The following SORBS2 variants were observed in gnomAD, a reference collection of about 807,000 sequenced individuals.
SORBS2 encodes sorbin and SH3 domain-containing protein 2.
A neutral mutation model predicts 97.7 loss-of-function variants in SORBS2; 46 were observed. The ratio of observed to expected loss-of-function variants is 0.47; its 90% CI spans 0.37 to 0.60. The LOEUF is 0.60. Among genes scored for constraint, SORBS2 ranks in the 20% least tolerant of loss-of-function variants. SORBS2 has a pLI of 0.00. For missense variants in SORBS2, 1,316 were observed against 1,282.3 expected, an observed-to-expected ratio of 1.03 and a Z score of -0.40; for synonymous variants, 476 against 473.4, an observed-to-expected ratio of 1.01 and a Z score of -0.07.
intron 4 of SORBS2, among the ~76,000 whole-genome samples, chr4:185,643,466 C>A (rs576734650): frequency 2.6e-4 from 39 of 152,202 alleles, no homozygotes; most frequent in Non-Finnish European, 2.9e-5. Context: ...CAGTGAAGAG[C>A]CAGAGAAAAT....
chr4:185,875,207 T>C (rs2099232833), intron 1 of SORBS2, among the ~76,000 whole-genome samples: 1 of 152,202 alleles, frequency 6.6e-6, no homozygotes. Context: ...ATAGTAAATA[T>C]AGTTAATAAC....
chr4:185,921,396 G>C (rs1016291495), intron 1 of SORBS2, among the ~76,000 whole-genome samples: 29 of 152,150 alleles, frequency 1.9e-4, no homozygotes, highest in African/African-American at 6.8e-4. Flanking sequence ...CCGATAATGA[G>C]TTGTTTATGG....
At chr4:185,732,711 C>T (rs1243501035) in intron 2 of SORBS2, among the ~76,000 whole-genome samples, 1 of 152,212 alleles carries the variant, frequency 6.6e-6, no homozygotes, top group Non-Finnish European at 1.5e-5. Context: ...CCAAAAGTAG[C>T]TATTGCGGGC....
chr4:185,619,014 CAT>C (rs2096669715), intron 8 of SORBS2, among the ~76,000 whole-genome samples: 1 of 152,166 alleles, frequency 6.6e-6, no homozygotes, highest in Non-Finnish European at 1.5e-5. Flanking sequence ...CCCTCTGAAT[CAT>C]AATAAAAGGA....
At chr4:185,917,424 C>T (rs770356141) in intron 1 of SORBS2, among the ~76,000 whole-genome samples, 7 of 152,120 alleles carry the variant, frequency 4.6e-5, no homozygotes, top group Admixed American at 6.5e-5. Context: ...GACAAGGTTT[C>T]GCCATGTTGT....
chr4:185,767,727 G>A (rs2098944851), intron 2 of SORBS2, among the ~76,000 whole-genome samples: 1 of 152,126 alleles, frequency 6.6e-6, no homozygotes, highest in Non-Finnish European at 1.5e-5. Context: ...CTTATTTCAA[G>A]TGCTCTCGTC....
rs2098608739 is a variant in SORBS2, at chr4:185,730,444, G to A, written c.-198+44783C>T. ...ATTTTAATAAAAGCTTTTCTTTGGT[G>A]TCACCCATTGTGTGCAGCACTGAGC... On this transcript the variant is annotated intron_variant, in intron 2 of 20. Transcript: ENST00000284776. 2.0e-5 allele frequency among the ~76,000 whole-genome samples: 3 copies of A among 150,956 alleles called. No individual in the cohort carries two copies. In the South Asian group the frequency reaches 6.3e-4, roughly 31 times the overall value.
intron 3 of SORBS2, among the ~76,000 whole-genome samples, chr4:185,647,415 T>C (rs900475035): frequency 1.3e-5 from 2 of 150,066 alleles, no homozygotes; most frequent in Non-Finnish European, 3.0e-5. Flanking sequence ...AAGGCTTCTT[T>C]TTTTTTTTTT....
intron 2 of SORBS2, among the ~76,000 whole-genome samples, chr4:185,697,545 A>G (rs2098194509): frequency 6.6e-6 from 1 of 152,240 alleles, no homozygotes; most frequent in South Asian, 2.1e-4. Flanking sequence ...TAGCCCAGCT[A>G]TAGACAATGC....
intron 4 of SORBS2, among the ~76,000 whole-genome samples, chr4:185,631,041 G>A (rs917920639): frequency 7.2e-5 from 11 of 152,262 alleles, no homozygotes; most frequent in Admixed American, 3.3e-4. Flanking sequence ...ACATTTTAAA[G>A]TTTTTGTTAT....
chr4:185,718,694 A>T (rs2098485804), intron 2 of SORBS2, among the ~76,000 whole-genome samples: 1 of 152,204 alleles, frequency 6.6e-6, no homozygotes, highest in Non-Finnish European at 1.5e-5. Flanking sequence ...CAACAAAACA[A>T]TGCACTTCTT....
intron 1 of SORBS2, among the ~76,000 whole-genome samples, chr4:185,930,122 C>A (rs1335077648): frequency 1.3e-5 from 2 of 152,134 alleles, no homozygotes; most frequent in Non-Finnish European, 2.9e-5. Context: ...AGGATGCTAA[C>A]AACATATGAA....
chr4:185,825,213 T>G (rs542305292), intron 1 of SORBS2, among the ~76,000 whole-genome samples: 12 of 18,726 alleles, frequency 6.4e-4, no homozygotes, highest in East Asian at 4.6e-3. Context: ...CTGTTTTTTG[T>G]TTTTTTTTTT....
chr4:185,592,081 GTGA>G (rs1237841816), intron 13 of SORBS2: 1 of 152,222 alleles, frequency 6.6e-6, no homozygotes, highest in African/African-American at 2.4e-5. Flanking sequence ...GGTGAGGTGA[GTGA>G]TGGTGGTGGG....
chr4:185,792,733 C>T (rs907065001), intron 1 of SORBS2, among the ~76,000 whole-genome samples: 3 of 151,954 alleles, frequency 2.0e-5, no homozygotes, highest in Non-Finnish European at 2.9e-5. Flanking sequence ...TTATAAATAA[C>T]GGTTTCCATA....
chr4:185,639,442 G>A (rs2097091760), intron 4 of SORBS2, among the ~76,000 whole-genome samples: 1 of 152,200 alleles, frequency 6.6e-6, no homozygotes, highest in Non-Finnish European at 1.5e-5. Flanking sequence ...GAAAAAACTA[G>A]CAGTGTTAAT....
At chr4:185,691,024 CA>C (rs1168869063) in intron 2 of SORBS2, among the ~76,000 whole-genome samples, 1 of 152,008 alleles carries the variant, frequency 6.6e-6, no homozygotes, top group African/African-American at 2.4e-5. Flanking sequence ...CTCAGCCTCC[CA>C]AGTAGCTGGG....
Position 185,646,662 on chromosome 4 carries a change from G to A in SORBS2, c.396+6C>T. On this transcript the variant is annotated splice_donor_region_variant and intron_variant, in intron 4 of 14. Transcript: ENST00000418609. ...TGGCATATTCTGTTTAATGACAAGT[G>A]CTTACTGGTCTTTCATGCTGAAGAA... 1 of 1,570,802 alleles carries A rather than the reference G, an allele frequency of 6.4e-7. No individual in the cohort carries two copies. Among genetic ancestry groups the A allele is most frequent in the Middle Eastern group, 1.7e-4 (1 of 5,984 alleles).
At chr4:185,656,769 C>G in exon 1 of SORBS2, 1 of 1,496,986 alleles carries the variant, frequency 6.7e-7, no homozygotes, top group Non-Finnish European at 8.9e-7. Flanking sequence ...AAGGGGCTGC[C>G]CAGATACACT....
Sources: allele counts gnomAD v4.1 joint callset (sites outside exome capture counted in the v4.1 genomes callset), GRCh38; gene constraint gnomAD v4.1.1; transcripts MANE v1.5; gene names NCBI Gene and HGNC (gene_info 2026-07-23, HGNC 2026-07-21).